The following PLD5 variants were observed in gnomAD, a reference collection of about 807,000 sequenced individuals.
The protein encoded by PLD5 is phospholipase D family member 5.
In PLD5, 36 loss-of-function variants were observed where a neutral mutation model predicts 61.1. That is an observed-to-expected ratio of 0.59 (90% CI 0.45 to 0.78). The LOEUF (loss-of-function observed/expected upper bound fraction) is 0.78. PLD5 is among the 30% of genes least tolerant of loss of function. The pLI is 0.00. For missense variants in PLD5, 515 were observed against 644.4 expected (o/e 0.80, Z 2.17); for synonymous variants, 243 against 242.8 (o/e 1.00, Z -0.01).
At chr1:242,392,530 C>G (rs1398293214) in intron 1 of PLD5, among the ~76,000 whole-genome samples, 1 of 152,222 alleles carries the variant, frequency 6.6e-6, no homozygotes, top group East Asian at 1.9e-4. Context: ...TGAGCCAAAG[C>G]TCTGTCTGCA....
At chr1:242,185,886 T>C (rs1667845347) in intron 5 of PLD5, among the ~76,000 whole-genome samples, 1 of 152,124 alleles carries the variant, frequency 6.6e-6, no homozygotes, top group Admixed American at 6.5e-5. Flanking sequence ...TAGAAGACCC[T>C]ACACCCCTGT....
intron 3 of PLD5, among the ~76,000 whole-genome samples, chr1:242,283,734 G>A (rs969133913): frequency 5.3e-5 from 8 of 152,114 alleles, no homozygotes; most frequent in Admixed American, 3.9e-4. Context: ...ACCAATGAGA[G>A]ACTATCTGCC....
At chr1:242,124,199 G>T (rs560796657) in intron 6 of PLD5, among the ~76,000 whole-genome samples, 1 of 152,116 alleles carries the variant, frequency 6.6e-6, no homozygotes, top group Non-Finnish European at 1.5e-5. Flanking sequence ...TTGCAAAATG[G>T]ACACAACCCC....
chr1:242,107,720 G>T lies in PLD5; in HGVS notation c.1190C>A (p.Ser397Ter). 1 of 1,607,420 alleles carries T rather than the reference G, an allele frequency of 6.2e-7. No homozygotes were observed. The highest frequency in any genetic ancestry group is 8.5e-7 in the Non-Finnish European group (1 of 1,178,496). The change falls in exon 8 of 10, where the codon TCA becomes TAA. Residue 397 changes from serine to a stop codon, truncating the protein, a stop_gained. Transcript: ENST00000536534. LOFTEE classifies it high-confidence loss of function. ...TTCAGTGCAAATCGCTTTAAGAGAT[G>T]AAATAAAGTTAAACGTAAGGGGATC... The part of the protein sequence containing the change: ...ETDPLTFNFI[S>*]SLKAICTEIA...
At chr1:242,464,971 T>A (rs1667230286) in intron 1 of PLD5, among the ~76,000 whole-genome samples, 1 of 152,218 alleles carries the variant, frequency 6.6e-6, no homozygotes, top group South Asian at 2.1e-4. Flanking sequence ...GTAGAAATTA[T>A]CTTTGTGGTT....
chr1:242,293,870 G>A, intron 2 of PLD5, among the ~76,000 whole-genome samples: 1 of 152,092 alleles, frequency 6.6e-6, no homozygotes, highest in East Asian at 1.9e-4. Context: ...GCTAGAAAAG[G>A]TCTCTAAAAA....
At chr1:242,317,559 C>T (rs10926676) in intron 2 of PLD5, among the ~76,000 whole-genome samples, 99,192 of 151,958 alleles carry the variant, frequency 0.65, 34,505 homozygotes, top group Non-Finnish European at 0.77. Flanking sequence ...CAAGTTATCT[C>T]ATCTCAGAAT....
chr1:242,516,898 A>T (rs1432668864), intron 1 of PLD5, among the ~76,000 whole-genome samples: 4 of 152,234 alleles, frequency 2.6e-5, no homozygotes, highest in Non-Finnish European at 5.9e-5. Context: ...CTATAGGTCA[A>T]TTTAGGGGAG....
intron 2 of PLD5, among the ~76,000 whole-genome samples, chr1:242,297,872 C>T (rs1675798804): frequency 6.6e-6 from 1 of 151,772 alleles, no homozygotes; most frequent in Non-Finnish European, 1.5e-5. Flanking sequence ...ATCTCCTGAC[C>T]TCATGATCCA....
intron 2 of PLD5, among the ~76,000 whole-genome samples, chr1:242,310,752 T>G (rs1373535893): frequency 6.6e-6 from 1 of 152,208 alleles, no homozygotes; most frequent in Non-Finnish European, 1.5e-5. Context: ...GCCAGGTATA[T>G]CTCTAGTGGA....
At chr1:242,090,235 G>A (rs1659713601) in intron 9 of PLD5, 125 bp from the exon 10 acceptor site, 5 of 1,257,908 alleles carry the variant, frequency 4.0e-6, no homozygotes, top group East Asian at 5.0e-5. Flanking sequence ...CGGAGAGGCT[G>A]AATTGTGTTG....
In PLD5 at chr1:242,151,306, C is replaced by T. The variant is rs141920548; in HGVS notation, c.736-26641G>A. Among the ~76,000 whole-genome samples the T allele has an allele frequency of 2.3e-3, 342 of 151,974 alleles. 4 individuals carry two copies. Among genetic ancestry groups the T allele is most frequent in the African/African-American group, 7.9e-3 (329 of 41,490 alleles). On this transcript the variant is annotated intron_variant, in intron 5 of 9. Coordinates refer to ENST00000536534, the MANE Select transcript of PLD5 (RefSeq NM_001372062.1). Reference sequence around the variant, plus strand: ...ATATTCTTTATGCCTAAGGAACTTCCTTTAACATCTTATGTAGTGCAGCTC... The same window carrying T: ...ATATTCTTTATGCCTAAGGAACTTCTTTTAACATCTTATGTAGTGCAGCTC...
At chr1:242,337,956 G>A (rs2749642) in intron 2 of PLD5, among the ~76,000 whole-genome samples, 1 of 151,960 alleles carries the variant, frequency 6.6e-6, no homozygotes, top group Admixed American at 6.5e-5. Flanking sequence ...TGCTACCATG[G>A]CTTTTAGACT....
chr1:242,257,167 T>C (rs549793691), intron 4 of PLD5, among the ~76,000 whole-genome samples: 2 of 152,170 alleles, frequency 1.3e-5, no homozygotes, highest in East Asian at 1.9e-4. Flanking sequence ...ACTATCTATA[T>C]GAAGAATCCC....
chr1:242,204,456 ACC>A, intron 5 of PLD5, among the ~76,000 whole-genome samples: 1 of 152,152 alleles, frequency 6.6e-6, no homozygotes, highest in Non-Finnish European at 1.5e-5. Context: ...GTTGCTGCCC[ACC>A]TTGCTGTACT....
rs112630493 is a variant in PLD5 at position 242,403,501 on chromosome 1, G to A, written c.190-55259C>T. ...TTTTTTTTTTAAGATATCTCGCTCCGTCATCCAGGCTGGAGTGCAATGGCA... is the reference window on the plus strand; with the variant it reads ...TTTTTTTTTTAAGATATCTCGCTCCATCATCCAGGCTGGAGTGCAATGGCA... On this transcript the variant is annotated intron_variant, in intron 1 of 9. Coordinates refer to ENST00000536534, the MANE Select transcript of PLD5 (RefSeq NM_001372062.1). Among the ~76,000 whole-genome samples, 509 of 145,764 alleles carry A rather than the reference G, an allele frequency of 3.5e-3. 5 individuals are homozygous for A. Among genetic ancestry groups the A allele is most frequent in the African/African-American group, 0.012 (481 of 38,966 alleles).
At chr1:242,490,664 T>G (rs1668118336) in intron 1 of PLD5, among the ~76,000 whole-genome samples, 1 of 152,240 alleles carries the variant, frequency 6.6e-6, no homozygotes, top group East Asian at 1.9e-4. Flanking sequence ...CTCAGCAACC[T>G]TTGTGTAGAA....
At chr1:242,529,817 TCCTTCC>T in the PLD5 span, among the ~76,000 whole-genome samples, 5 of 148,098 alleles carry the variant, frequency 3.4e-5, no homozygotes, top group Non-Finnish European at 7.5e-5. Flanking sequence ...CTTCCTTCCT[TCCTTCC>T]TTCTTCTTCT....
At chr1:242,145,239 G>A (rs1664462075) in intron 5 of PLD5, among the ~76,000 whole-genome samples, 1 of 152,130 alleles carries the variant, frequency 6.6e-6, no homozygotes, top group African/African-American at 2.4e-5. Flanking sequence ...GATCAGAGAT[G>A]GTGACATAAA....
Sources: gnomAD v4.1 joint callset for allele counts (sites outside exome capture counted in the v4.1 genomes callset) on GRCh38, gnomAD v4.1.1 for gene constraint, MANE v1.5 for transcripts, NCBI Gene and HGNC (gene_info 2026-07-23, HGNC 2026-07-21) for gene names.